Variants in DGKI observed in about 807,000 individuals in gnomAD.
DGKI encodes the protein DAG kinase iota.
DGKI carries 55 observed loss-of-function variants against 147.5 expected under a neutral mutation model. The observed-to-expected ratio is 0.37, with a 90% CI of 0.30 to 0.47. The LOEUF is 0.47. DGKI is among the 20% of genes least tolerant of loss of function. The pLI is 1.00. For synonymous variants in DGKI, 469 were observed against 477.1 expected, an observed-to-expected ratio of 0.98 and a Z score of 0.22; for missense variants, 1,007 against 1,323.8, an observed-to-expected ratio of 0.76 and a Z score of 3.71.
At chr7:137,808,898 G>A (rs934063981) in intron 1 of DGKI, among the ~76,000 whole-genome samples, 3 of 152,176 alleles carry the variant, frequency 2.0e-5, no homozygotes, top group Non-Finnish European at 4.4e-5. Flanking sequence ...AGCTGTGGAC[G>A]TGGGGATGGC....
At chr7:137,591,083 G>A (rs1819592415) in intron 12 of DGKI, among the ~76,000 whole-genome samples, 1 of 152,154 alleles carries the variant, frequency 6.6e-6, no homozygotes, top group Non-Finnish European at 1.5e-5. Context: ...TCGTGATACT[G>A]AGCTACGATT....
At chr7:137,771,186 G>T (rs1379160139) in intron 1 of DGKI, among the ~76,000 whole-genome samples, 1 of 152,128 alleles carries the variant, frequency 6.6e-6, no homozygotes, top group Non-Finnish European at 1.5e-5. Flanking sequence ...CACCTCCCGG[G>T]TTCAAGCGAT....
chr7:137,767,933 C>T (rs1239543388), intron 1 of DGKI, among the ~76,000 whole-genome samples: 2 of 152,044 alleles, frequency 1.3e-5, no homozygotes, highest in Non-Finnish European at 2.9e-5. Flanking sequence ...ATATAATATT[C>T]CAGTATGAGA....
intron 1 of DGKI, among the ~76,000 whole-genome samples, chr7:137,809,854 T>C (rs902762409): frequency 6.6e-6 from 1 of 151,500 alleles, no homozygotes; most frequent in African/African-American, 2.4e-5. Context: ...CAGTGAGCCA[T>C]GATCGCACCA....
intron 23 of DGKI, among the ~76,000 whole-genome samples, chr7:137,478,682 G>A (rs924199349): frequency 1.3e-5 from 2 of 152,124 alleles, no homozygotes; most frequent in African/African-American, 2.4e-5. Flanking sequence ...GTGCAATGTG[G>A]ACCGTGAATT....
intron 1 of DGKI, among the ~76,000 whole-genome samples, chr7:137,817,807 C>T (rs1302715087): frequency 6.6e-6 from 1 of 152,188 alleles, no homozygotes; most frequent in Non-Finnish European, 1.5e-5. Context: ...CCTTCCCATG[C>T]CTTTCTTACC....
chr7:137,639,420 G>T (rs936976254), intron 6 of DGKI, among the ~76,000 whole-genome samples: 2 of 152,188 alleles, frequency 1.3e-5, no homozygotes, highest in African/African-American at 4.8e-5. Flanking sequence ...TGCGTACCTG[G>T]AACCTTTTGG....
chr7:137,713,411 T>C (rs750207134), intron 1 of DGKI, among the ~76,000 whole-genome samples: 63 of 152,330 alleles, frequency 4.1e-4, no homozygotes, highest in Non-Finnish European at 7.8e-4. Context: ...ATTGCTGAAA[T>C]TTAGACACAA....
In DGKI at chr7:137,801,234, T is replaced by C. The variant is rs1428721291; in HGVS notation, c.401+45228A>G. Among the ~76,000 whole-genome samples, 7 of 152,306 alleles carry C rather than the reference T, an allele frequency of 4.6e-5. No individual in the cohort carries two copies. In the East Asian group the frequency reaches 1.3e-3, roughly 29 times the overall value. On this transcript the variant is annotated intron_variant, in intron 1 of 32. Coordinates refer to ENST00000614521, the MANE Select transcript of DGKI (RefSeq NM_001321708.2). ...GAAGAGAAAAGAAGGAAGTACCAGC[T>C]GATGCTAAGAGGCTGGAAGGTCAAA...
At chr7:137,454,990 G>GC (rs1399698389) in intron 27 of DGKI, 1 of 152,104 alleles carries the variant, frequency 6.6e-6, no homozygotes, top group Admixed American at 6.6e-5. Flanking sequence ...TATAAGCAAG[G>GC]CACCTCACTT....
chr7:137,407,730 A>G (rs1812010066), intron 30 of DGKI, 145 bp downstream of exon 30: 2 of 1,049,770 alleles, frequency 1.9e-6, no homozygotes, highest in Admixed American at 2.2e-5. Flanking sequence ...GACTGCCTCA[A>G]ATAAGCAGGG....
At chr7:137,656,434 TA>T in intron 4 of DGKI, 31 bp downstream of exon 4, 1 of 1,612,054 alleles carries the variant, frequency 6.2e-7, no homozygotes, top group Non-Finnish European at 8.5e-7. Context: ...ACTTGCAATG[TA>T]ACAAAACTGC....
At chr7:137,626,322 G>GAC (rs111591226) in intron 6 of DGKI, among the ~76,000 whole-genome samples, 15,824 of 138,944 alleles carry the variant, frequency 0.11, 1,039 homozygotes, top group African/African-American at 0.18. Context: ...AAGTGCTTCT[G>GAC]ACACACACAC....
intron 28 of DGKI, among the ~76,000 whole-genome samples, chr7:137,438,500 C>G (rs1813369252): frequency 6.6e-6 from 1 of 152,078 alleles, no homozygotes; most frequent in Admixed American, 6.5e-5. Flanking sequence ...TTAAAATGAT[C>G]ACTCTGGAAA....
chr7:137,501,419 T>A (rs916974464), intron 21 of DGKI, among the ~76,000 whole-genome samples: 11 of 152,186 alleles, frequency 7.2e-5, no homozygotes, highest in Admixed American at 7.2e-4. Flanking sequence ...ATGGTTAATC[T>A]ATCTTTAGTT....
rs1818602641 is a variant in DGKI at position 137,566,867 on chromosome 7, G to A, written c.1947+4308C>T. Among the ~76,000 whole-genome samples, 3 of 117,462 alleles carry A rather than the reference G, an allele frequency of 2.6e-5. No homozygotes were observed. In the South Asian group the frequency reaches 8.9e-4, roughly 35 times the overall value. The allele number at this position is 117,462 out of a possible 152,430, so 77.1% of individuals were successfully genotyped here. On this transcript the variant is annotated intron_variant, in intron 19 of 32. Transcript: ENST00000614521. ...TTACAGAGATTTTGAATTTAAAATA[G>A]ATAAAACACAGTGTATTTCTTTTGA... is the stretch of plus-strand genomic sequence containing the variant.
chr7:137,563,363 CT>C (rs1438427464), intron 19 of DGKI, among the ~76,000 whole-genome samples: 1 of 151,770 alleles, frequency 6.6e-6, no homozygotes, highest in Non-Finnish European at 1.5e-5. Flanking sequence ...CATGTGCATT[CT>C]TATCATTTTT....
At chr7:137,707,012 C>G (rs1233969172) in intron 1 of DGKI, among the ~76,000 whole-genome samples, 1 of 152,228 alleles carries the variant, frequency 6.6e-6, no homozygotes, top group Non-Finnish European at 1.5e-5. Flanking sequence ...TTTCCAACAG[C>G]TATTTCCCCA....
At chr7:137,550,130 A>G (rs1817994789) in intron 20 of DGKI, among the ~76,000 whole-genome samples, 2 of 151,556 alleles carry the variant, frequency 1.3e-5, no homozygotes, top group Non-Finnish European at 2.9e-5. Context: ...GTAGAAAGTA[A>G]GTAACAGTTT....
Sources: gnomAD v4.1 joint callset for allele counts (sites outside exome capture counted in the v4.1 genomes callset) on GRCh38, gnomAD v4.1.1 for gene constraint, MANE v1.5 for transcripts, NCBI Gene and HGNC (gene_info 2026-07-23, HGNC 2026-07-21) for gene names.